Variants in KDM1A observed in about 807,000 individuals in gnomAD.
The protein encoded by KDM1A is lysine-specific histone demethylase 1A.
Under a neutral mutation model 109.4 loss-of-function variants are expected in KDM1A, and 49 were observed. That is an observed-to-expected ratio of 0.45 (90% confidence interval 0.36 to 0.57). The LOEUF is 0.57. Ranked by LOEUF, KDM1A falls within the 20% of genes least tolerant of loss-of-function variation. KDM1A has a pLI of 0.00. For synonymous variants in KDM1A, 380 were observed against 415.4 expected (o/e 0.91, Z 1.04); for missense variants, 668 against 1,116.6 (o/e 0.60, Z 5.73).
intron 2 of KDM1A, among the ~76,000 whole-genome samples, chr1:23,033,519 TA>T (rs889718312): frequency 2.4e-4 from 36 of 151,472 alleles, no homozygotes; most frequent in African/African-American, 8.2e-4. Context: ...GACTCCGCCT[TA>T]AAAAAAAATC....
At chr1:23,077,170 G>A (rs1255203430) in intron 15 of KDM1A, 58 bp from the exon 16 acceptor site, 2 of 1,547,630 alleles carry the variant, frequency 1.3e-6, no homozygotes, top group African/African-American at 1.4e-5. Flanking sequence ...ACAGAACTAG[G>A]TGCAAATGAC....
chr1:23,023,956 G>A (rs1351090771), intron 1 of KDM1A, among the ~76,000 whole-genome samples: 1 of 152,090 alleles, frequency 6.6e-6, no homozygotes, highest in South Asian at 2.1e-4. Flanking sequence ...CTCAAGTGAT[G>A]CTCTTATCTC....
intron 15 of KDM1A, among the ~76,000 whole-genome samples, chr1:23,076,848 G>C (rs966690008): frequency 6.6e-6 from 1 of 151,860 alleles, no homozygotes; most frequent in African/African-American, 2.4e-5. Flanking sequence ...TGTAATCCCA[G>C]CAGTTACTTG....
At chr1:23,066,478 T>G (rs1428840435) in intron 10 of KDM1A, among the ~76,000 whole-genome samples, 1 of 152,230 alleles carries the variant, frequency 6.6e-6, no homozygotes, top group East Asian at 1.9e-4. Flanking sequence ...TTTGTGATTG[T>G]CATCCTAGTT....
rs1398276482 is a variant in KDM1A at position 23,030,603 on chromosome 1, A to G, written c.486A>G (p.Glu162=). The part of the protein sequence containing the change: ...PPPPPQAPPE[E]ENESEPEEPS... ...CACCCCCTCAAGCCCCACCTGAGGA[A>G]GAAAATGAAAGTGAGCCTGAAGAAC... The change falls in exon 2 of 21, where the codon GAA becomes GAG. Residue 162 remains glutamate, a synonymous_variant. Transcript: ENST00000400181. 1 of 1,585,562 alleles carries G rather than the reference A, an allele frequency of 6.3e-7. No individual in the cohort carries two copies.
At chr1:23,068,219 A>T (rs772746790) in intron 10 of KDM1A, among the ~76,000 whole-genome samples, 3 of 152,150 alleles carry the variant, frequency 2.0e-5, no homozygotes, top group Non-Finnish European at 2.9e-5. Flanking sequence ...AACTTAATGC[A>T]TGTCAGCTCA....
chr1:23,052,431 G>A (rs1557548230), intron 4 of KDM1A, among the ~76,000 whole-genome samples: 1 of 152,176 alleles, frequency 6.6e-6, no homozygotes, highest in Non-Finnish European at 1.5e-5. Flanking sequence ...GAGTATCTGT[G>A]TGGATTTGGT....
chr1:23,050,524 A>G lies in KDM1A; in HGVS notation c.711+4A>G. 1 of 1,598,278 alleles carries G rather than the reference A, an allele frequency of 6.3e-7. No homozygotes were observed. The highest frequency in any genetic ancestry group is 2.3e-5 in the East Asian group (1 of 44,376). On this transcript the variant is annotated splice_donor_region_variant and intron_variant, in intron 4 of 20. Coordinates refer to ENST00000400181, the MANE Select transcript of KDM1A (RefSeq NM_001009999.3). ...TCTTTTCATTAGAAACCGCACAGTA[A>G]GTTTCCATTTCAGCTTTTTCACCTG...
At chr1:23,046,129 A>G (rs985684988) in intron 3 of KDM1A, among the ~76,000 whole-genome samples, 5 of 152,172 alleles carry the variant, frequency 3.3e-5, no homozygotes, top group Admixed American at 6.5e-5. Flanking sequence ...TCTGAAACCC[A>G]AAGAAGTTAA....
At chr1:23,035,018 A>AT (rs1418579727) in intron 2 of KDM1A, among the ~76,000 whole-genome samples, 3 of 152,052 alleles carry the variant, frequency 2.0e-5, no homozygotes, top group Non-Finnish European at 2.9e-5. Context: ...CTTCAAATAG[A>AT]TTTTTTTAGA....
At chr1:23,036,515 T>C (rs1642150561) in intron 2 of KDM1A, among the ~76,000 whole-genome samples, 1 of 127,844 alleles carries the variant, frequency 7.8e-6, no homozygotes, top group Admixed American at 9.2e-5. Context: ...GATTTGGACC[T>C]ATGCTCCAAA....
chr1:23,036,778 G>A (rs1192672010), intron 2 of KDM1A, among the ~76,000 whole-genome samples: 2 of 152,014 alleles, frequency 1.3e-5, no homozygotes, highest in Non-Finnish European at 2.9e-5. Flanking sequence ...GAGGTAGGAA[G>A]GGTGAAGAGT....
At position 23,023,917 on chromosome 1, in the gene KDM1A, A is replaced by G. The variant is rs558642342; in HGVS notation, c.351+3970A>G. On this transcript the variant is annotated intron_variant, in intron 1 of 20. Coordinates refer to ENST00000400181, the MANE Select transcript of KDM1A (RefSeq NM_001009999.3). ...CATGCTGGAGTGCAGTGGCTCAATC[A>G]TAGCTCACTGCAGCCTCAACCTCCC... 2.6e-5 allele frequency among the ~76,000 whole-genome samples: 4 copies of G among 152,286 alleles called. No individual in the cohort carries two copies. The South Asian group carries it at 8.3e-4, about 32-fold the overall frequency.
chr1:23,021,320 G>T (rs941504526), intron 1 of KDM1A, among the ~76,000 whole-genome samples: 2 of 152,164 alleles, frequency 1.3e-5, no homozygotes, highest in African/African-American at 4.8e-5. Context: ...GTTATTTTAC[G>T]ATTTCAATAG....
At chr1:23,037,398 T>C (rs2124401975) in intron 2 of KDM1A, among the ~76,000 whole-genome samples, 1 of 151,706 alleles carries the variant, frequency 6.6e-6, no homozygotes, top group African/African-American at 2.4e-5. Context: ...GTATAGAAAG[T>C]ATGGTGAGAA....
intron 9 of KDM1A, among the ~76,000 whole-genome samples, chr1:23,065,380 T>C (rs1466314429): frequency 6.6e-6 from 1 of 152,228 alleles, no homozygotes; most frequent in Non-Finnish European, 1.5e-5. Flanking sequence ...TTTAAAGGTA[T>C]TAAAAAGCAC....
chr1:23,073,537 T>G, intron 15 of KDM1A, 134 bp downstream of exon 15: 1 of 617,958 alleles, frequency 1.6e-6, no homozygotes, highest in East Asian at 2.6e-5. Context: ...AATTCACCTA[T>G]TTTAAGTGAA....
chr1:23,061,094 T>G (rs1425352118), intron 9 of KDM1A, among the ~76,000 whole-genome samples: 1 of 152,220 alleles, frequency 6.6e-6, no homozygotes, highest in Non-Finnish European at 1.5e-5. Context: ...TTTCTTGGTA[T>G]TAGATGAGCT....
rs144412754 is a variant in KDM1A at position 23,043,765 on chromosome 1, G to A, written c.518-662G>A. On this transcript the variant is annotated intron_variant, in intron 2 of 20. Coordinates refer to ENST00000400181, the MANE Select transcript of KDM1A (RefSeq NM_001009999.3). ...AACAAAGCTTATTATGTAGCATGAA[G>A]TAGAAGATTCAAGATCTTGCCTGCC... 3.4e-3 allele frequency among the ~76,000 whole-genome samples: 515 copies of A among 152,348 alleles called. 6 individuals are homozygous for A. The highest frequency in any genetic ancestry group is 5.3e-3 in the Non-Finnish European group (358 of 68,030).
Sources: allele counts gnomAD v4.1 joint callset (sites outside exome capture counted in the v4.1 genomes callset), GRCh38; gene constraint gnomAD v4.1.1; transcripts MANE v1.5; gene names NCBI Gene and HGNC (gene_info 2026-07-23, HGNC 2026-07-21).